The following AUTS2 variants were observed in gnomAD, a reference collection of about 807,000 sequenced individuals.
The protein encoded by AUTS2 is autism susceptibility gene 2 protein.
A neutral mutation model predicts 112.4 loss-of-function variants in AUTS2; 17 were observed. That is an observed-to-expected ratio of 0.15 (90% CI 0.10 to 0.23). The LOEUF is 0.23. Ranked by LOEUF, AUTS2 falls within the 10% of genes least tolerant of loss-of-function variation. The pLI, the probability that AUTS2 is intolerant of heterozygous loss-of-function variation, is 1.00. For missense variants in AUTS2, 1,510 were observed against 1,701.6 expected, an observed-to-expected ratio of 0.89 and a Z score of 1.98; for synonymous variants, 751 against 702.7, an observed-to-expected ratio of 1.07 and a Z score of -1.09.
At chr7:70,658,631 C>T (rs889073458) in intron 5 of AUTS2, among the ~76,000 whole-genome samples, 6 of 152,096 alleles carry the variant, frequency 3.9e-5, no homozygotes, top group African/African-American at 1.2e-4. Flanking sequence ...TAAGAACTGC[C>T]GGGGAGATGT....
intron 4 of AUTS2, among the ~76,000 whole-genome samples, chr7:70,339,764 T>C (rs969438947): frequency 6.6e-6 from 1 of 152,162 alleles, no homozygotes; most frequent in African/African-American, 2.4e-5. Context: ...AGGGCCTGGA[T>C]TTTTTTGGTT....
rs1583912153 is a variant in AUTS2, at chr7:69,599,140, T to A, written c.-514T>A. 7.2e-6 allele frequency: 1 copy of A among 139,176 alleles called. No homozygotes were observed. The highest frequency in any genetic ancestry group is 2.7e-4 in the South Asian group (1 of 3,748). 8.6% of individuals were successfully genotyped at this position (139,176 alleles called of 1,614,324 possible). ...GGGTGAAGTTCATTGCCCCCACTTTTCCCGCGACCTTTTTCGGACCCGATT... is the reference window on the plus strand; with the variant it reads ...GGGTGAAGTTCATTGCCCCCACTTTACCCGCGACCTTTTTCGGACCCGATT... On this transcript the variant is annotated 5_prime_UTR_variant, in exon 1 of 19. Coordinates refer to ENST00000342771, the MANE Select transcript of AUTS2 (RefSeq NM_015570.4). This position sits in a 1 kb window ranked among gnomAD's most constrained non-coding sequence, Gnocchi z 7.0.
At chr7:70,379,514 A>AG (rs1463438710) in intron 4 of AUTS2, among the ~76,000 whole-genome samples, 1 of 151,490 alleles carries the variant, frequency 6.6e-6, no homozygotes, top group African/African-American at 2.4e-5. Flanking sequence ...AAAAAAAAAA[A>AG]GAAAGAAAGA....
intron 4 of AUTS2, among the ~76,000 whole-genome samples, chr7:70,399,419 C>T (rs911974288): frequency 6.6e-6 from 1 of 151,946 alleles, no homozygotes; most frequent in East Asian, 1.9e-4. Flanking sequence ...CTTTTTAGAG[C>T]TCTGTATCAT....
chr7:70,445,548 G>A (rs1373933762), intron 5 of AUTS2, among the ~76,000 whole-genome samples: 2 of 152,192 alleles, frequency 1.3e-5, no homozygotes, highest in African/African-American at 4.8e-5. Context: ...CTTCTGAAGT[G>A]GGACTTTTTT....
intron 11 of AUTS2, among the ~76,000 whole-genome samples, chr7:70,773,202 G>C (rs1054561262): frequency 1.3e-4 from 20 of 152,072 alleles, no homozygotes; most frequent in African/African-American, 4.8e-4. Flanking sequence ...CAAGCTTCGG[G>C]CCTAAACTTG....
At chr7:69,904,115 G>A (rs796982027) in intron 2 of AUTS2, among the ~76,000 whole-genome samples, 8 of 152,228 alleles carry the variant, frequency 5.3e-5, no homozygotes, top group African/African-American at 1.9e-4. Context: ...GTCTTCCTTG[G>A]AGTAAGTGAT....
chr7:70,325,284 A>C (rs114316158), intron 4 of AUTS2, among the ~76,000 whole-genome samples: 347 of 152,230 alleles, frequency 2.3e-3, no homozygotes, highest in Non-Finnish European at 3.6e-3. Flanking sequence ...TGATGGTACC[A>C]CTTCACTCCA....
At chr7:69,743,239 A>C (rs1167161836) in intron 1 of AUTS2, among the ~76,000 whole-genome samples, 1 of 152,180 alleles carries the variant, frequency 6.6e-6, no homozygotes, top group Non-Finnish European at 1.5e-5. Flanking sequence ...GGTTGTTGTA[A>C]AGACTAGATG....
In AUTS2 at chr7:70,118,175, G is replaced by A. The variant is rs779946326; in HGVS notation, c.566G>A (p.Ser189Asn). The A allele has an allele frequency of 6.2e-7, 1 of 1,610,524 alleles. No individual in the cohort carries two copies. The highest frequency in any genetic ancestry group is 8.5e-7 in the Non-Finnish European group (1 of 1,178,900). The change falls in exon 3 of 19, where the codon AGT becomes AAT. Residue 189 changes from serine (S) to asparagine (N), a missense_variant. Around this residue, in one of 3 missense-constraint regions of AUTS2, gnomAD observed 535 missense variants for 594.3 expected, o/e 0.90. Coordinates refer to ENST00000342771, the MANE Select transcript of AUTS2 (RefSeq NM_015570.4). ...QNSCRDSDSESASGESKGFHR... is the reference protein window; with the variant it reads ...QNSCRDSDSENASGESKGFHR... ...AGCTGCAGGGACAGTGACAGTGAAAGTGCCAGTGGAGAATCCAAGGGCTTC... is the reference window on the plus strand; with the variant it reads ...AGCTGCAGGGACAGTGACAGTGAAAATGCCAGTGGAGAATCCAAGGGCTTC...
At chr7:70,525,912 C>T (rs949406169) in intron 5 of AUTS2, among the ~76,000 whole-genome samples, 4 of 152,188 alleles carry the variant, frequency 2.6e-5, no homozygotes, top group South Asian at 2.1e-4. Context: ...GGGCCCTGGC[C>T]GCTGCTCACA....
intron 5 of AUTS2, among the ~76,000 whole-genome samples, chr7:70,576,262 A>C (rs958036457): frequency 1.2e-4 from 19 of 152,046 alleles, no homozygotes; most frequent in South Asian, 4.2e-4. Flanking sequence ...TGAGTGGCCC[A>C]CCCTCCTCTG....
intron 5 of AUTS2, among the ~76,000 whole-genome samples, chr7:70,696,582 CG>C (rs1291202837): frequency 1.3e-5 from 2 of 152,136 alleles, no homozygotes; most frequent in Non-Finnish European, 2.9e-5. Context: ...ATGAGGATCA[CG>C]TAAGTGTCTG....
chr7:70,090,059 TAAA>T (rs1423956343), intron 2 of AUTS2, among the ~76,000 whole-genome samples: 4 of 149,694 alleles, frequency 2.7e-5, no homozygotes, highest in Non-Finnish European at 4.5e-5. Context: ...AAAATAATAA[TAAA>T]ATAAAATAGA....
chr7:69,768,945 A>T (rs557094958), intron 1 of AUTS2, among the ~76,000 whole-genome samples: 168 of 152,296 alleles, frequency 1.1e-3, no homozygotes, highest in African/African-American at 3.8e-3. Flanking sequence ...GGGTGTCCAA[A>T]CCATGAAATG....
intron 2 of AUTS2, among the ~76,000 whole-genome samples, chr7:69,933,069 A>C (rs1191953926): frequency 1.3e-5 from 2 of 152,234 alleles, no homozygotes; most frequent in African/African-American, 4.8e-5. Flanking sequence ...TGGTGTGTTC[A>C]GTGTGTAATT....
chr7:70,396,594 C>A (rs968128144), intron 4 of AUTS2, among the ~76,000 whole-genome samples: 1 of 152,146 alleles, frequency 6.6e-6, no homozygotes, highest in Admixed American at 6.5e-5. Context: ...CCAGGCTGTT[C>A]TCGAATTCCT....
At chr7:70,132,164 TAAAAAAAAAAAAAA>T (rs200482728) in intron 3 of AUTS2, among the ~76,000 whole-genome samples, 1 of 102,596 alleles carries the variant, frequency 9.7e-6, no homozygotes, top group Non-Finnish European at 2.0e-5. Flanking sequence ...TCTTTTCCCT[TAAAAAAAAAAAAAA>T]AAAAAAAAAA....
intron 6 of AUTS2, among the ~76,000 whole-genome samples, chr7:70,716,685 A>G (rs1191476382): frequency 3.4e-5 from 5 of 147,586 alleles, no homozygotes; most frequent in African/African-American, 9.9e-5. Context: ...CTTGTTCACA[A>G]CACAGCTTCT....
Sources: allele counts gnomAD v4.1 joint callset (sites outside exome capture counted in the v4.1 genomes callset), GRCh38; gene constraint gnomAD v4.1.1; regional missense constraint gnomAD v4.1.1; non-coding constraint Gnocchi (gnomAD v3.1); transcripts MANE v1.5; gene names NCBI Gene and HGNC (gene_info 2026-07-23, HGNC 2026-07-21).